The following LY75 variants were observed in gnomAD, a reference collection of about 807,000 sequenced individuals.
The protein encoded by LY75 is lymphocyte antigen 75, also known as C-type lectin domain family 13 member B.
In LY75, 185 loss-of-function variants were observed where a neutral mutation model predicts 231.7. The ratio of observed to expected loss-of-function variants is 0.80; its 90% CI spans 0.71 to 0.90. The LOEUF (loss-of-function observed/expected upper bound fraction) is 0.90. Among genes scored for constraint, LY75 ranks in the 40% least tolerant of loss-of-function variants. The pLI is 0.00. For missense variants in LY75, 1,947 were observed against 2,050.2 expected, an observed-to-expected ratio of 0.95 and a Z score of 0.97; for synonymous variants, 668 against 689.0, an observed-to-expected ratio of 0.97 and a Z score of 0.48.
chr2:159,884,972 G>A (rs945549205), intron 6 of LY75, among the ~76,000 whole-genome samples, 181 bp downstream of exon 6: 4 of 152,086 alleles, frequency 2.6e-5, no homozygotes, highest in Admixed American at 6.6e-5. Flanking sequence ...CTCAAATAAA[G>A]CTTTATTCAT....
chr2:159,904,504 C>G (rs556767214), intron 1 of LY75, 85 bp downstream of exon 1: 2 of 1,372,546 alleles, frequency 1.5e-6, no homozygotes, highest in African/African-American at 1.5e-5. Flanking sequence ...GCCCCAGGGG[C>G]GCAGCCCTGC....
At chr2:159,854,267 CT>C in intron 18 of LY75, 92 bp downstream of exon 18, 1 of 1,025,858 alleles carries the variant, frequency 9.7e-7, no homozygotes, top group South Asian at 4.6e-5. Flanking sequence ...AAAAATTTAA[CT>C]TTTGTAGATT....
At chr2:159,827,215 C>T (rs1177016253) in intron 28 of LY75, among the ~76,000 whole-genome samples, 1 of 152,124 alleles carries the variant, frequency 6.6e-6, no homozygotes, top group Non-Finnish European at 1.5e-5. Context: ...ATCCATTTGA[C>T]AAAGGGCTAA....
At chr2:159,882,739 C>T (rs945623512) in intron 6 of LY75, among the ~76,000 whole-genome samples, 3 of 152,168 alleles carry the variant, frequency 2.0e-5, no homozygotes, top group Non-Finnish European at 2.9e-5. Flanking sequence ...GCCTCCTTTT[C>T]TTGTATGGCC....
rs371419571 is a variant in LY75 at position 159,840,970 on chromosome 2, AAAC to A, written c.3281-18_3281-16del. On this transcript the variant is annotated splice_polypyrimidine_tract_variant and intron_variant, in intron 24 of 34. Coordinates refer to ENST00000263636, the MANE Select transcript of LY75 (RefSeq NM_002349.4). ...GCTTTTAACTTCTGCATGTAAAAGA[AAAC>A]AACAACAACAACAAACCCTTCCCCA... 59 of 1,610,008 alleles carry A rather than the reference AAAC, an allele frequency of 3.7e-5. No homozygotes were observed. The highest frequency in any genetic ancestry group is 5.5e-5 in the South Asian group (5 of 90,940).
rs149637757 is a variant in LY75, at chr2:159,873,140, G to GAAGAAGA, written c.1975-554_1975-548dup. The stretch of plus-strand genomic sequence containing the variant: ...AAGAAGAAGAAAGGAGAAAAAGAAA[G>GAAGAAGA]AAGAAGAAAGAAGAAAGAAGAAAGA... On this transcript the variant is annotated intron_variant, in intron 12 of 34. Coordinates refer to ENST00000263636, the MANE Select transcript of LY75 (RefSeq NM_002349.4). Among the ~76,000 whole-genome samples the GAAGAAGA allele has an allele frequency of 2.8e-3, 431 of 151,486 alleles. 1 individual carries two copies. The highest frequency in any genetic ancestry group is 9.6e-3 in the African/African-American group (397 of 41,344).
chr2:159,839,132 G>A (rs1388783353), intron 25 of LY75, among the ~76,000 whole-genome samples: 1 of 152,116 alleles, frequency 6.6e-6, no homozygotes, highest in Non-Finnish European at 1.5e-5. Context: ...GTGGCTCAGA[G>A]AGACTATTCT....
At chr2:159,871,716 C>T (rs1047718396) in intron 13 of LY75, 7 of 152,078 alleles carry the variant, frequency 4.6e-5, no homozygotes, top group Admixed American at 4.6e-4. Context: ...TGCCTGTAAT[C>T]CCAGTACTTT....
chr2:159,903,841 T>C (rs1389201512), intron 1 of LY75, among the ~76,000 whole-genome samples: 1 of 152,184 alleles, frequency 6.6e-6, no homozygotes, highest in Admixed American at 6.5e-5. Flanking sequence ...GGGCTGGCAC[T>C]ACCCTGAACA....
At chr2:159,839,101 G>A (rs1683925187) in intron 25 of LY75, among the ~76,000 whole-genome samples, 1 of 151,940 alleles carries the variant, frequency 6.6e-6, no homozygotes, top group African/African-American at 2.4e-5. Context: ...CGGCCGATCT[G>A]GGTTAACTTT....
At chr2:159,806,944 A>C (rs749386225) in intron 34 of LY75, 29 bp downstream of exon 34, 16 of 1,574,112 alleles carry the variant, frequency 1.0e-5, no homozygotes, top group Non-Finnish European at 1.1e-5. Flanking sequence ...TTCTGCAAAA[A>C]GTCTCCTAAG....
At chr2:159,847,163 T>C (rs1488016221) in intron 23 of LY75, among the ~76,000 whole-genome samples, 4 of 152,058 alleles carry the variant, frequency 2.6e-5, no homozygotes, top group South Asian at 4.1e-4. Context: ...AGGCCCACAC[T>C]GCCATGCCCG....
intron 6 of LY75, among the ~76,000 whole-genome samples, chr2:159,883,203 G>A (rs1685489893): frequency 6.6e-6 from 1 of 150,922 alleles, no homozygotes; most frequent in South Asian, 2.1e-4. Flanking sequence ...AGTGGGTGCA[G>A]CGCACCAGCA....
chr2:159,840,171 T>C lies in LY75; in HGVS notation c.3507+558A>G, dbSNP rs572361578. On this transcript the variant is annotated intron_variant, in intron 25 of 34. Coordinates refer to ENST00000263636, the MANE Select transcript of LY75 (RefSeq NM_002349.4). ...CTAGCTCGTCTTTGATTAGAATAAA[T>C]AAAAAGAAGTGCTCAAATATATATA... Among the ~76,000 whole-genome samples the C allele has an allele frequency of 2.6e-5, 4 of 152,084 alleles. No homozygotes were observed. The South Asian group carries it at 8.3e-4, about 32-fold the overall frequency.
At chr2:159,807,252 TTAAAA>T (rs1175544715) in intron 33 of LY75, 112 bp from the exon 34 acceptor site, 8 of 1,240,046 alleles carry the variant, frequency 6.5e-6, no homozygotes, top group African/African-American at 3.0e-5. Context: ...GAGCCACTTG[TTAAAA>T]TAAAATGCAT....
intron 28 of LY75, among the ~76,000 whole-genome samples, chr2:159,831,122 T>C (rs1285086312): frequency 6.6e-6 from 1 of 152,198 alleles, no homozygotes; most frequent in East Asian, 1.9e-4. Context: ...TGTGTCCTCA[T>C]CCAAATCTCA....
Position 159,885,227 on chromosome 2 carries a change from C to T in LY75, c.980G>A (p.Trp327Ter), listed in dbSNP as rs770721152. The part of the protein sequence containing the change: ...CARMDAESGL[W>*]QSFSCEAQLP... ...TTGAGCTTCACAGGAAAAGCTCTGC[C>T]ACAGACCAGACTCAGCATCCATTCT... Residue 327 changes from tryptophan to a stop codon, truncating the protein, a stop_gained, in exon 6 of 35, where the codon TGG (tryptophan) becomes TAG (stop). Transcript: ENST00000263636. LOFTEE classifies it high-confidence loss of function. 7 of 1,613,690 alleles carry T rather than the reference C, an allele frequency of 4.3e-6. No homozygotes were observed. In the Admixed American group the frequency reaches 1.0e-4, roughly 23 times the overall value.
In LY75 at chr2:159,858,410, G is replaced by T. The variant is rs1327275208; in HGVS notation, c.2335C>A (p.Pro779Thr). 2 of 1,613,586 alleles carry T rather than the reference G, an allele frequency of 1.2e-6. No homozygotes were observed. The highest frequency in any genetic ancestry group is 1.7e-6 in the Non-Finnish European group (2 of 1,179,736). Residue 779 changes from proline (P) to threonine (T), a missense_variant, in exon 16 of 35, where the codon CCT becomes ACT. Pro to Thr is a conservative substitution (Grantham distance 38). Transcript: ENST00000263636. ...YDDREFIYLR[P>T]FACDTKLEWV... ...TCAAGTTTTGTATCACAAGCAAAAG[G>T]CCTCAAATAAATAAATTCTCTATCA... is the stretch of plus-strand genomic sequence containing the variant.
At chr2:159,897,940 G>A (rs1012309158) in intron 2 of LY75, among the ~76,000 whole-genome samples, 2 of 151,974 alleles carry the variant, frequency 1.3e-5, no homozygotes, top group Non-Finnish European at 2.9e-5. Flanking sequence ...ACTTATTTTC[G>A]GAAGCAACTG....
Sources: allele counts gnomAD v4.1 joint callset (sites outside exome capture counted in the v4.1 genomes callset), GRCh38; gene constraint gnomAD v4.1.1; transcripts MANE v1.5; gene names NCBI Gene and HGNC (gene_info 2026-07-23, HGNC 2026-07-21).